GPC6: variants seen among roughly 807,000 people sequenced by gnomAD.
GPC6 encodes glypican 6.
In GPC6, 14 loss-of-function variants were observed where a neutral mutation model predicts 55.2. The observed-to-expected ratio is 0.25, with a 90% CI of 0.17 to 0.40. GPC6 has a LOEUF of 0.40. Among genes scored for constraint, GPC6 ranks in the 10% least tolerant of loss-of-function variants. The pLI is 1.00. For synonymous variants in GPC6, 278 were observed against 259.6 expected (o/e 1.07, Z -0.68); for missense variants, 641 against 708.5 (o/e 0.90, Z 1.08).
At chr13:94,143,715 C>T (rs1887462104) in intron 4 of GPC6, among the ~76,000 whole-genome samples, 3 of 151,918 alleles carry the variant, frequency 2.0e-5, no homozygotes, top group Admixed American at 2.0e-4. Flanking sequence ...TGGCAAAACC[C>T]CATCTTTACA....
chr13:93,870,312 T>A (rs914187467), intron 3 of GPC6, among the ~76,000 whole-genome samples: 1 of 151,868 alleles, frequency 6.6e-6, no homozygotes, highest in African/African-American at 2.4e-5. Flanking sequence ...TCATCATTCT[T>A]CTTGCTGTTA....
At chr13:93,667,247 T>G (rs2139621324) in intron 2 of GPC6, among the ~76,000 whole-genome samples, 1 of 152,290 alleles carries the variant, frequency 6.6e-6, no homozygotes, top group East Asian at 1.9e-4. Flanking sequence ...GTAAAATTTT[T>G]TTCAGAAGCC....
intron 3 of GPC6, among the ~76,000 whole-genome samples, chr13:93,876,571 T>C (rs1209289253): frequency 6.6e-6 from 1 of 152,108 alleles, no homozygotes; most frequent in Non-Finnish European, 1.5e-5. Flanking sequence ...TACTTATTTC[T>C]CTTACCTATC....
At chr13:93,741,424 C>A (rs1373243209) in intron 2 of GPC6, among the ~76,000 whole-genome samples, 2 of 152,046 alleles carry the variant, frequency 1.3e-5, no homozygotes, top group Non-Finnish European at 2.9e-5. Context: ...CCAGAATCTT[C>A]TTAATCTTGT....
intron 1 of GPC6, among the ~76,000 whole-genome samples, chr13:93,396,553 G>A (rs7337108): frequency 0.038 from 5,784 of 151,706 alleles, 163 homozygotes; most frequent in Non-Finnish European, 0.057. Context: ...GGGCAACAGA[G>A]CAAGACTCCA....
At chr13:94,254,101 C>T (rs999711173) in intron 4 of GPC6, among the ~76,000 whole-genome samples, 1 of 151,990 alleles carries the variant, frequency 6.6e-6, no homozygotes, top group Non-Finnish European at 1.5e-5. Flanking sequence ...GGCTCTTGAC[C>T]CTTGTAGAGC....
intron 4 of GPC6, among the ~76,000 whole-genome samples, chr13:94,188,775 G>T (rs983825505): frequency 6.6e-6 from 1 of 152,020 alleles, no homozygotes; most frequent in Admixed American, 6.6e-5. Flanking sequence ...TCCCATAGCT[G>T]GTGACCGATT....
intron 2 of GPC6, among the ~76,000 whole-genome samples, chr13:93,781,843 T>C (rs1885661839): frequency 6.6e-6 from 1 of 152,190 alleles, no homozygotes; most frequent in African/African-American, 2.4e-5. Context: ...ACAAAAATTA[T>C]ATGTTTATGT....
chr13:93,292,597 G>T (rs999126549), intron 1 of GPC6, among the ~76,000 whole-genome samples: 2 of 152,040 alleles, frequency 1.3e-5, no homozygotes, highest in Admixed American at 6.6e-5. Flanking sequence ...AACATATTAT[G>T]GAATAAATGG....
intron 4 of GPC6, among the ~76,000 whole-genome samples, chr13:94,097,803 A>G (rs1418731555): frequency 6.6e-6 from 1 of 152,182 alleles, no homozygotes; most frequent in Admixed American, 6.5e-5. Context: ...TCAAATTTGC[A>G]CTAAATTCTC....
intron 4 of GPC6, among the ~76,000 whole-genome samples, chr13:94,194,173 C>A (rs1889488988): frequency 6.6e-6 from 1 of 152,032 alleles, no homozygotes; most frequent in Non-Finnish European, 1.5e-5. Flanking sequence ...TATACTCATA[C>A]ATGTACATAT....
chr13:94,146,138 A>T (rs1364535212), intron 4 of GPC6, among the ~76,000 whole-genome samples: 1 of 152,134 alleles, frequency 6.6e-6, no homozygotes, highest in Non-Finnish European at 1.5e-5. Flanking sequence ...TAATCATGTC[A>T]CATGCTATTT....
intron 2 of GPC6, among the ~76,000 whole-genome samples, chr13:93,767,545 T>G (rs1286070018): frequency 1.3e-5 from 2 of 152,138 alleles, no homozygotes; most frequent in African/African-American, 4.8e-5. Flanking sequence ...AATAACCCCA[T>G]TTTAGTTTGT....
chr13:93,540,599 T>C (rs1164883941), intron 1 of GPC6, among the ~76,000 whole-genome samples: 1 of 152,206 alleles, frequency 6.6e-6, no homozygotes. Flanking sequence ...AGGTACATAG[T>C]GATCTTTGAT....
intron 4 of GPC6, among the ~76,000 whole-genome samples, chr13:94,036,909 A>T (rs900892415): frequency 1.2e-4 from 19 of 152,126 alleles, no homozygotes; most frequent in African/African-American, 3.9e-4. Flanking sequence ...CCTTGGTATT[A>T]TCACTGGCAC....
chr13:94,390,859 G>A (rs1287065602), intron 7 of GPC6, among the ~76,000 whole-genome samples: 1 of 146,984 alleles, frequency 6.8e-6, no homozygotes, highest in African/African-American at 2.6e-5. Flanking sequence ...CAGGGAGGAA[G>A]CTGTGTGAAC....
At chr13:93,870,469 A>T (rs1889095864) in intron 3 of GPC6, among the ~76,000 whole-genome samples, 1 of 151,900 alleles carries the variant, frequency 6.6e-6, no homozygotes, top group Non-Finnish European at 1.5e-5. Flanking sequence ...TTTATTATAG[A>T]ATAGTCCAAT....
intron 1 of GPC6, among the ~76,000 whole-genome samples, chr13:93,347,604 C>T (rs575449542): frequency 3.0e-4 from 45 of 152,258 alleles, no homozygotes; most frequent in African/African-American, 9.6e-4. Flanking sequence ...ATCGAACAAA[C>T]GTGCTAGCCA....
At chr13:94,397,018 C>T (rs1030889717) in intron 7 of GPC6, among the ~76,000 whole-genome samples, 4 of 152,110 alleles carry the variant, frequency 2.6e-5, no homozygotes, top group African/African-American at 4.8e-5. Flanking sequence ...TAAAGATGTG[C>T]GTCAAATGTT....
Sources: gnomAD v4.1 joint callset for allele counts (sites outside exome capture counted in the v4.1 genomes callset) on GRCh38, gnomAD v4.1.1 for gene constraint, MANE v1.5 for transcripts, NCBI Gene and HGNC (gene_info 2026-07-23, HGNC 2026-07-21) for gene names.